MRTFB: variants seen among roughly 807,000 people sequenced by gnomAD.
MRTFB encodes the protein myocardin-related transcription factor B.
A neutral mutation model predicts 104.2 loss-of-function variants in MRTFB; 29 were observed. The observed-to-expected ratio is 0.28, with a 90% CI of 0.21 to 0.38. MRTFB has a LOEUF of 0.38. MRTFB is among the 10% of genes least tolerant of loss of function. The probability of loss-of-function intolerance (pLI) is 1.00; values close to 1 mark genes in which losing one functional copy is unlikely to be tolerated. For synonymous variants in MRTFB, 535 were observed against 519.5 expected, an observed-to-expected ratio of 1.03 and a Z score of -0.41; for missense variants, 1,270 against 1,341.6, an observed-to-expected ratio of 0.95 and a Z score of 0.83.
At chr16:14,233,911 C>T (rs1327369613) in intron 8 of MRTFB, among the ~76,000 whole-genome samples, 1 of 151,762 alleles carries the variant, frequency 6.6e-6, no homozygotes, top group East Asian at 1.9e-4. Context: ...ACTCCAGTAT[C>T]GTCAGTCTAC....
the MRTFB span, among the ~76,000 whole-genome samples, chr16:13,995,404 G>A: frequency 2.6e-5 from 4 of 152,274 alleles, no homozygotes; most frequent in Non-Finnish European, 5.9e-5. Context: ...GTCCAAAGGA[G>A]CATTGTCTCT....
At chr16:14,259,427 A>G (rs2043666869) in intron 16 of MRTFB, among the ~76,000 whole-genome samples, 1 of 152,142 alleles carries the variant, frequency 6.6e-6, no homozygotes, top group Non-Finnish European at 1.5e-5. Flanking sequence ...TTGTCTACTA[A>G]TATCAGTAAT....
intron 2 of MRTFB, among the ~76,000 whole-genome samples, chr16:14,134,250 G>A (rs1383025882): frequency 6.6e-6 from 1 of 152,104 alleles, no homozygotes. Context: ...TGTATTGTCA[G>A]TATTTGCTAT....
At position 14,127,929 on chromosome 16, in the gene MRTFB, A is replaced by ATAT. The variant is rs1393344981; in HGVS notation, c.-63-12614_-63-12613insATT. Among the ~76,000 whole-genome samples the ATAT allele has an allele frequency of 2.4e-3, 105 of 44,598 alleles. 2 individuals carry two copies. Among genetic ancestry groups the ATAT allele is most frequent in the South Asian group, 3.9e-3 (4 of 1,014 alleles). The allele number at this position is 44,598 out of a possible 152,430, so 29.3% of individuals were successfully genotyped here. A position where few individuals can be genotyped will look rare whatever the true frequency, so the allele number is the denominator to read the frequency against. On this transcript the variant is annotated intron_variant, in intron 2 of 16. Transcript: ENST00000571589. ...TATATATATATATATATATATATAT[A>ATAT]TTTTTTTTTTTTTTTTTTTTTTCTT...
chr16:14,141,658 G>A (rs571011411), intron 3 of MRTFB: 2 of 152,076 alleles, frequency 1.3e-5, no homozygotes, highest in South Asian at 4.1e-4. Context: ...GTGTTTTCCA[G>A]TCCTCCTACT....
chr16:14,050,973 G>A, the MRTFB span, among the ~76,000 whole-genome samples: 3 of 152,004 alleles, frequency 2.0e-5, no homozygotes, highest in Admixed American at 6.6e-5. Flanking sequence ...TGTCTCGGCC[G>A]ACTTATTGTT....
At chr16:14,044,313 C>T in the MRTFB span, among the ~76,000 whole-genome samples, 1 of 152,214 alleles carries the variant, frequency 6.6e-6, no homozygotes, top group East Asian at 1.9e-4. Flanking sequence ...CTCATGACAG[C>T]GTCCATGGGA....
upstream of MRTFB, among the ~76,000 whole-genome samples, chr16:14,071,113 C>T (rs962060174): frequency 1.3e-5 from 2 of 152,156 alleles, no homozygotes; most frequent in African/African-American, 2.4e-5. Flanking sequence ...AGGCGGCCGC[C>T]TCGCACCTGG....
chr16:14,213,227 G>GTA (rs1336892517), intron 5 of MRTFB, among the ~76,000 whole-genome samples: 1 of 152,092 alleles, frequency 6.6e-6, no homozygotes, highest in Non-Finnish European at 1.5e-5. Flanking sequence ...ATTTTATTGA[G>GTA]TTTAGATATT....
At chr16:14,037,357 G>A in the MRTFB span, among the ~76,000 whole-genome samples, 10 of 152,298 alleles carry the variant, frequency 6.6e-5, no homozygotes, top group African/African-American at 1.2e-4. Flanking sequence ...TATGGTAGGC[G>A]GAGGTGTCGG....
chr16:14,156,148 A>G (rs2038819421), intron 3 of MRTFB, among the ~76,000 whole-genome samples: 1 of 152,192 alleles, frequency 6.6e-6, no homozygotes, highest in South Asian at 2.1e-4. Flanking sequence ...CCTGTTTGCC[A>G]ATGTGTGAAA....
In MRTFB at chr16:14,240,482, C is replaced by G; in HGVS notation, c.1077C>G (p.Phe359Leu). ...YNYQTILPAP[F>L]KPLNDKNSNS... is the part of the protein sequence containing the mutation. ...ACCAGACCATCCTGCCTGCACCATT[C>G]AAGTACGGCGGGGCCCATGCTATCC... Residue 359 changes from phenylalanine to leucine, a missense_variant and splice_region_variant, in exon 10 of 17, where the codon TTC becomes TTG. By Grantham distance (22) the Phe-to-Leu change is conservative (BLOSUM62 0). Coordinates refer to ENST00000571589, the MANE Select transcript of MRTFB (RefSeq NM_001308142.2). 1.2e-6 allele frequency: 2 copies of G among 1,614,224 alleles called. No homozygotes were observed. The highest frequency in any genetic ancestry group is 1.3e-5 in the African/African-American group (1 of 75,044).
intron 9 of MRTFB, among the ~76,000 whole-genome samples, chr16:14,236,173 A>G (rs558225491): frequency 7.3e-4 from 111 of 152,328 alleles, no homozygotes; most frequent in African/African-American, 2.6e-3. Flanking sequence ...CCTGGGTGAC[A>G]GAGTGAGACC....
At chr16:14,003,221 G>A in the MRTFB span, among the ~76,000 whole-genome samples, 310 of 152,200 alleles carry the variant, frequency 2.0e-3, 2 homozygotes, top group African/African-American at 7.1e-3. Flanking sequence ...TCCGAGAGCC[G>A]CCACAACAAG....
chr16:14,139,518 CAT>C (rs773195226), intron 2 of MRTFB, among the ~76,000 whole-genome samples: 1 of 152,198 alleles, frequency 6.6e-6, no homozygotes, highest in Admixed American at 6.5e-5. Flanking sequence ...AAAATTTAAA[CAT>C]AGAGCTGCCA....
At chr16:14,031,705 A>G in the MRTFB span, among the ~76,000 whole-genome samples, 1 of 152,122 alleles carries the variant, frequency 6.6e-6, no homozygotes, top group Non-Finnish European at 1.5e-5. Context: ...GTGTGACAAT[A>G]TTTGTGTTTT....
chr16:14,099,659 T>A (rs1427338715), intron 2 of MRTFB, among the ~76,000 whole-genome samples: 1 of 147,856 alleles, frequency 6.8e-6, no homozygotes, highest in Non-Finnish European at 1.5e-5. Context: ...GTATTCTGCA[T>A]CTTTTCTTTT....
chr16:14,205,715 G>A (rs955471288), intron 3 of MRTFB, among the ~76,000 whole-genome samples: 7 of 152,188 alleles, frequency 4.6e-5, no homozygotes, highest in African/African-American at 9.6e-5. Context: ...CACACTCAGT[G>A]TTTTGAACTG....
intron 10 of MRTFB, chr16:14,241,614 A>C (rs2042770075): frequency 6.6e-6 from 1 of 152,142 alleles, no homozygotes; most frequent in Non-Finnish European, 1.5e-5. Flanking sequence ...CGACCTGTAG[A>C]AACTTCTGCT....
Sources: allele counts gnomAD v4.1 joint callset (sites outside exome capture counted in the v4.1 genomes callset), GRCh38; gene constraint gnomAD v4.1.1; transcripts MANE v1.5; gene names NCBI Gene and HGNC (gene_info 2026-07-23, HGNC 2026-07-21).